The following STIP1 variants were observed in gnomAD, a reference collection of about 807,000 sequenced individuals.
STIP1 encodes the protein stress-induced-phosphoprotein 1.
A neutral mutation model predicts 77.4 loss-of-function variants in STIP1; 16 were observed. The observed-to-expected ratio is 0.21, with a 90% CI of 0.14 to 0.31. The LOEUF (loss-of-function observed/expected upper bound fraction) is 0.31. STIP1 is among the 10% of genes least tolerant of loss of function. STIP1 has a pLI of 1.00. For missense variants in STIP1, 524 were observed against 684.8 expected, an observed-to-expected ratio of 0.77 and a Z score of 2.62; for synonymous variants, 258 against 246.6, an observed-to-expected ratio of 1.05 and a Z score of -0.44.
At position 64,194,273 on chromosome 11, in the gene STIP1, G is replaced by C; in HGVS notation, c.304G>C (p.Glu102Gln). The change falls in exon 3 of 14, where the codon GAG (glutamate) becomes CAG (glutamine). Residue 102 changes from glutamate (E) to glutamine (Q), a missense_variant. By Grantham distance (29) the Glu-to-Gln change is conservative (BLOSUM62 2). Coordinates refer to ENST00000305218, the MANE Select transcript of STIP1 (RefSeq NM_006819.3). ...KRTYEEGLKHEANNPQLKEGL... is the reference protein window; with the variant it reads ...KRTYEEGLKHQANNPQLKEGL... ...AACCTATGAGGAGGGCTTAAAACAC[G>C]AGGCAAATAACCCTCAACTGAAAGA... 1 of 1,614,172 alleles carries C rather than the reference G, an allele frequency of 6.2e-7. No homozygotes were observed. The highest frequency in any genetic ancestry group is 8.5e-7 in the Non-Finnish European group (1 of 1,180,026).
At chr11:64,193,511 C>T (rs1239985138) in intron 2 of STIP1, 9 of 530,536 alleles carry the variant, frequency 1.7e-5, no homozygotes, top group Admixed American at 3.2e-5. Flanking sequence ...GGGCTGGGCG[C>T]GGTGACGCAC....
intron 1 of STIP1, among the ~76,000 whole-genome samples, chr11:64,190,405 C>T (rs1466351082): frequency 4.6e-5 from 7 of 152,056 alleles, no homozygotes. Context: ...AACTCCTGAC[C>T]TCAGGTGATC....
intron 1 of STIP1, among the ~76,000 whole-genome samples, chr11:64,191,327 G>A (rs1239962342): frequency 1.3e-5 from 2 of 151,920 alleles, no homozygotes; most frequent in Non-Finnish European, 2.9e-5. Context: ...AATAAATATG[G>A]CCAGGCGCGG....
chr11:64,194,663 G>A, intron 4 of STIP1, 43 bp downstream of exon 4: 1 of 1,602,456 alleles, frequency 6.2e-7, no homozygotes. Context: ...ATCGGGGAAT[G>A]TTATGCTTTC....
chr11:64,192,927 G>T (rs1346066120), intron 1 of STIP1, 151 bp from the exon 2 acceptor site: 5 of 787,332 alleles, frequency 6.4e-6, no homozygotes, highest in Non-Finnish European at 8.0e-6. Context: ...GAAGGTGTGA[G>T]AAATTAAATA....
chr11:64,195,623 T>G, intron 4 of STIP1, 22 bp from the exon 5 acceptor site: 1 of 1,551,046 alleles, frequency 6.4e-7, no homozygotes, highest in Non-Finnish European at 8.7e-7. Flanking sequence ...AATTTTTCTT[T>G]ATTTTTTTAA....
At chr11:64,185,854 G>A, upstream of STIP1, 1 of 1,536,160 alleles carries the variant, frequency 6.5e-7, no homozygotes, top group Non-Finnish European at 8.7e-7. Context: ...TGGGAGAGGT[G>A]GAAATTTCCA....
intron 1 of STIP1, among the ~76,000 whole-genome samples, chr11:64,187,488 C>T (rs747957972): frequency 5.9e-5 from 9 of 152,200 alleles, no homozygotes; most frequent in African/African-American, 1.2e-4. Context: ...TGACTACCAT[C>T]CTTTTTTTGG....
chr11:64,189,365 A>T (rs1186578273), intron 1 of STIP1, among the ~76,000 whole-genome samples: 1 of 152,188 alleles, frequency 6.6e-6, no homozygotes, highest in Non-Finnish European at 1.5e-5. Context: ...TCTCAAAAAA[A>T]AAAAATAAAT....
chr11:64,195,833 T>G lies in STIP1; in HGVS notation c.672+20T>G. The G allele has an allele frequency of 6.2e-7, 1 of 1,613,970 alleles. No individual in the cohort carries two copies. Among genetic ancestry groups the G allele is most frequent in the Non-Finnish European group, 8.5e-7 (1 of 1,179,948 alleles). ...AAGCAGGTCTTGTTTTTTTCTCTCC[T>G]CACTGTCACCTATCTATAAACAACT... On this transcript the variant is annotated intron_variant, in intron 5 of 13. Transcript: ENST00000305218.
intron 11 of STIP1, 66 bp downstream of exon 11, chr11:64,202,978 C>T: frequency 1.9e-6 from 3 of 1,610,592 alleles, no homozygotes; most frequent in Non-Finnish European, 2.5e-6. Flanking sequence ...AAGGGCAAGC[C>T]CTTTGTCTAC....
Position 64,195,665 on chromosome 11 carries a change from T to A in STIP1, c.524T>A (p.Ile175Asn). The A allele has an allele frequency of 6.2e-7, 1 of 1,612,288 alleles. No homozygotes were observed. Among genetic ancestry groups the A allele is most frequent in the Non-Finnish European group, 8.5e-7 (1 of 1,179,400 alleles). The change falls in exon 5 of 14, where the codon ATC (isoleucine) becomes AAC (asparagine). Residue 175 changes from isoleucine (I) to asparagine (N), a missense_variant. Transcript: ENST00000305218. ...ACTAGGAAACTACAAGATCCCCGGA[T>A]CATGACCACTCTCAGCGTCCTCCTT... ...DLGTKLQDPR[I>N]MTTLSVLLGV... is the part of the protein sequence containing the mutation.
chr11:64,200,455 T>C (rs1387036720), intron 10 of STIP1, among the ~76,000 whole-genome samples, 162 bp downstream of exon 10: 3 of 152,044 alleles, frequency 2.0e-5, no homozygotes, highest in Admixed American at 1.3e-4. Flanking sequence ...GACCACAGGC[T>C]CATGCCTCCA....
At chr11:64,193,961 C>T (rs55970968) in intron 2 of STIP1, among the ~76,000 whole-genome samples, 16,870 of 152,284 alleles carry the variant, frequency 0.11, 1,171 homozygotes, top group Non-Finnish European at 0.16. Flanking sequence ...AAACTGACCA[C>T]AGTCGATCAG....
At chr11:64,202,723 G>A in intron 10 of STIP1, 153 bp from the exon 11 acceptor site, 1 of 780,570 alleles carries the variant, frequency 1.3e-6, no homozygotes, top group South Asian at 1.6e-5. Context: ...TCTTGTGTGG[G>A]ATGATCCATC....
At chr11:64,191,840 T>C (rs7112277) in intron 1 of STIP1, among the ~76,000 whole-genome samples, 25,170 of 151,680 alleles carry the variant, frequency 0.17, 2,330 homozygotes, top group Admixed American at 0.28. Flanking sequence ...CACACAAGGC[T>C]GTCACTTCAC....
chr11:64,192,503 T>C (rs971798769), intron 1 of STIP1, among the ~76,000 whole-genome samples: 11 of 152,222 alleles, frequency 7.2e-5, no homozygotes, highest in African/African-American at 2.2e-4. Context: ...CATTTATCTA[T>C]CCTGTGGTGA....
At chr11:64,189,285 C>T (rs1042274543) in intron 1 of STIP1, among the ~76,000 whole-genome samples, 4 of 151,638 alleles carry the variant, frequency 2.6e-5, no homozygotes, top group East Asian at 1.9e-4. Context: ...CGCTTGAACC[C>T]GGGAGGCGGA....
At chr11:64,195,528 G>A in intron 4 of STIP1, 117 bp from the exon 5 acceptor site, 1 of 1,035,412 alleles carries the variant, frequency 9.7e-7, no homozygotes, top group Non-Finnish European at 1.4e-6. Flanking sequence ...GCCATCTTTT[G>A]ATGGGTGAGG....
Sources: gnomAD v4.1 joint callset for allele counts (sites outside exome capture counted in the v4.1 genomes callset) on GRCh38, gnomAD v4.1.1 for gene constraint, MANE v1.5 for transcripts, NCBI Gene and HGNC (gene_info 2026-07-23, HGNC 2026-07-21) for gene names.